CAPZA2: variants seen among roughly 807,000 people sequenced by gnomAD.
The protein encoded by CAPZA2 is F-actin-capping protein subunit alpha-2.
CAPZA2 carries 13 observed loss-of-function variants against 44.0 expected under a neutral mutation model. The ratio of observed to expected loss-of-function variants is 0.30; its 90% CI spans 0.19 to 0.47. The LOEUF (loss-of-function observed/expected upper bound fraction) is 0.47. CAPZA2 is among the 20% of genes least tolerant of loss of function. The probability of loss-of-function intolerance (pLI) is 1.00; values close to 1 mark genes in which losing one functional copy is unlikely to be tolerated. For missense variants in CAPZA2, 244 were observed against 338.6 expected (o/e 0.72, Z 2.19); for synonymous variants, 94 against 108.2 (o/e 0.87, Z 0.81).
At chr7:116,886,845 A>G (rs1454719297) in intron 1 of CAPZA2, among the ~76,000 whole-genome samples, 2 of 152,230 alleles carry the variant, frequency 1.3e-5, no homozygotes, top group African/African-American at 2.4e-5. Flanking sequence ...GATGGCTCCT[A>G]TACATAAGGT....
intron 2 of CAPZA2, among the ~76,000 whole-genome samples, chr7:116,889,577 A>AG (rs2115922506): frequency 6.6e-6 from 1 of 152,214 alleles, no homozygotes; most frequent in South Asian, 2.1e-4. Flanking sequence ...AAAAAAAAAA[A>AG]AAAAGATATA....
Position 116,916,128 on chromosome 7 carries a change from AT to A in CAPZA2, c.720+12del, listed in dbSNP as rs1791676325. 1.3e-6 allele frequency: 2 copies of A among 1,532,220 alleles called. No individual in the cohort carries two copies. The highest frequency in any genetic ancestry group is 2.3e-5 in the Admixed American group (1 of 43,724). 94.9% of individuals were successfully genotyped at this position (1,532,220 alleles called of 1,614,324 possible). A position where few individuals can be genotyped will look rare whatever the true frequency, so the allele number is the denominator to read the frequency against. The stretch of plus-strand genomic sequence containing the variant: ...CTGCAGAAAATGAATACCAGGTATG[AT>A]TTTTTAAATATTATATAAGCTACAC... On this transcript the variant is annotated splice_region_variant and intron_variant, in intron 9 of 9. Coordinates refer to ENST00000361183, the MANE Select transcript of CAPZA2 (RefSeq NM_006136.3).
intron 1 of CAPZA2, among the ~76,000 whole-genome samples, chr7:116,881,535 C>T (rs1019943903): frequency 6.6e-6 from 1 of 151,882 alleles, no homozygotes; most frequent in Non-Finnish European, 1.5e-5. Context: ...GTCAGGAGAT[C>T]AAGACCATCC....
At chr7:116,907,888 A>C (rs1418479345) in intron 6 of CAPZA2, among the ~76,000 whole-genome samples, 1 of 152,192 alleles carries the variant, frequency 6.6e-6, no homozygotes, top group Non-Finnish European at 1.5e-5. Flanking sequence ...TTCTGGAAAA[A>C]AATGTATTTT....
chr7:116,869,883 T>A (rs1207264711), intron 1 of CAPZA2, among the ~76,000 whole-genome samples: 1 of 152,104 alleles, frequency 6.6e-6, no homozygotes, highest in East Asian at 1.9e-4. Context: ...TTGTTTTGTT[T>A]TTTTGAGACG....
At chr7:116,880,021 A>T in intron 1 of CAPZA2, 1 of 451,134 alleles carries the variant, frequency 2.2e-6, no homozygotes, top group South Asian at 1.6e-5. Flanking sequence ...ATATGGGAGT[A>T]TATAGGCAGT....
chr7:116,898,590 T>C (rs1021541214), intron 3 of CAPZA2, among the ~76,000 whole-genome samples, 182 bp from the exon 4 acceptor site: 60 of 152,190 alleles, frequency 3.9e-4, no homozygotes, highest in Admixed American at 1.3e-4. Flanking sequence ...TTGTTCAGTT[T>C]TTAAAATAGG....
Position 116,888,017 on chromosome 7 carries a change from T to A in CAPZA2, c.40-110T>A. 3 of 717,606 alleles carry A rather than the reference T, an allele frequency of 4.2e-6. No individual in the cohort carries two copies. The South Asian group carries it at 5.2e-5, about 12-fold the overall frequency. The allele number at this position is 717,606 out of a possible 1,614,324, so 44.5% of individuals were successfully genotyped here. On this transcript the variant is annotated intron_variant, in intron 1 of 9. Transcript: ENST00000361183. ...TGAAAAAGTATCACTGTATTTAAAA[T>A]CTTAAGCCATTTTCAGTAGAGCTTT...
intron 6 of CAPZA2, chr7:116,909,655 A>G (rs1178811346): frequency 6.5e-6 from 1 of 153,198 alleles, no homozygotes; most frequent in African/African-American, 2.4e-5. Context: ...AGAGTGTTGT[A>G]TAACATTTAC....
chr7:116,905,567 CT>C (rs1430960466), intron 5 of CAPZA2, among the ~76,000 whole-genome samples: 1 of 152,150 alleles, frequency 6.6e-6, no homozygotes. Flanking sequence ...GCTTAAGTAT[CT>C]AGCTCTCTGA....
intron 1 of CAPZA2, chr7:116,875,261 A>C (rs1335733504): frequency 6.6e-6 from 1 of 152,178 alleles, no homozygotes; most frequent in Non-Finnish European, 1.5e-5. Context: ...CCAAATGGCA[A>C]AGTGTTCATT....
chr7:116,886,826 G>C (rs1034023825), intron 1 of CAPZA2, among the ~76,000 whole-genome samples: 1 of 152,236 alleles, frequency 6.6e-6, no homozygotes, highest in Admixed American at 6.5e-5. Flanking sequence ...GTACCATGTA[G>C]TGTGATTGGA....
At chr7:116,886,213 G>A (rs1352129867) in intron 1 of CAPZA2, 2 of 154,466 alleles carry the variant, frequency 1.3e-5, no homozygotes, top group African/African-American at 4.8e-5. Flanking sequence ...GCACTTTTTA[G>A]GTGAGATAGC....
intron 4 of CAPZA2, among the ~76,000 whole-genome samples, chr7:116,899,788 T>C (rs1562961750): frequency 6.6e-6 from 1 of 151,636 alleles, no homozygotes; most frequent in Non-Finnish European, 1.5e-5. Flanking sequence ...TTAAAAATGT[T>C]AGATAGCCTC....
At chr7:116,895,983 A>G (rs1055131634) in intron 3 of CAPZA2, among the ~76,000 whole-genome samples, 2 of 152,148 alleles carry the variant, frequency 1.3e-5, no homozygotes, top group Admixed American at 1.3e-4. Context: ...AAAGCTTAGA[A>G]GGCATTATAA....
At chr7:116,893,795 A>T (rs1216132234) in intron 3 of CAPZA2, among the ~76,000 whole-genome samples, 2 of 152,176 alleles carry the variant, frequency 1.3e-5, no homozygotes, top group Non-Finnish European at 1.5e-5. Flanking sequence ...TGAATTTTTG[A>T]GTGATTTAAA....
chr7:116,881,476 A>C (rs1230631504), intron 1 of CAPZA2, among the ~76,000 whole-genome samples: 1 of 152,146 alleles, frequency 6.6e-6, no homozygotes, highest in African/African-American at 2.4e-5. Flanking sequence ...ACAGTGGCTC[A>C]CACCTGTAAT....
chr7:116,893,131 GT>G (rs1562960567), intron 3 of CAPZA2, 86 bp downstream of exon 3: 18 of 850,486 alleles, frequency 2.1e-5, no homozygotes, highest in Non-Finnish European at 2.5e-5. Context: ...TTTTTTGTGG[GT>G]TTTTTTGTTT....
intron 4 of CAPZA2, 40 bp from the exon 5 acceptor site, chr7:116,904,137 G>GT (rs1428585591): frequency 5.3e-6 from 7 of 1,315,680 alleles, no homozygotes; most frequent in East Asian, 2.3e-5. Context: ...TTGAAATGCT[G>GT]TTTTTTTATT....
Sources: allele counts gnomAD v4.1 joint callset (sites outside exome capture counted in the v4.1 genomes callset), GRCh38; gene constraint gnomAD v4.1.1; transcripts MANE v1.5; gene names NCBI Gene and HGNC (gene_info 2026-07-23, HGNC 2026-07-21).